The following TSHZ2 variants were observed in gnomAD, a reference collection of about 807,000 sequenced individuals.
TSHZ2 encodes the protein teashirt zinc finger homeobox 2.
A neutral mutation model predicts 74.4 loss-of-function variants in TSHZ2; 21 were observed. That is an observed-to-expected ratio of 0.28 (90% CI 0.20 to 0.41). The LOEUF (loss-of-function observed/expected upper bound fraction) is 0.41. Among genes scored for constraint, TSHZ2 ranks in the 10% least tolerant of loss-of-function variants. The pLI is 1.00. For synonymous variants in TSHZ2, 540 were observed against 515.3 expected, an observed-to-expected ratio of 1.05 and a Z score of -0.65; for missense variants, 1,244 against 1,293.5, an observed-to-expected ratio of 0.96 and a Z score of 0.59.
rs570957059 is a variant in TSHZ2 at position 53,368,293 on chromosome 20, T to TTTTG, written c.*8+111739_*8+111742dup. Among the ~76,000 whole-genome samples the TTTTG allele has an allele frequency of 2.8e-3, 420 of 151,466 alleles. 3 individuals carry two copies. Among genetic ancestry groups the TTTTG allele is most frequent in the Middle Eastern group, 0.01 (3 of 294 alleles). On this transcript the variant is annotated intron_variant, in intron 2 of 2. Coordinates refer to ENST00000371497, the MANE Select transcript of TSHZ2 (RefSeq NM_173485.6). ...CGGGGTTTTGGACTCGATGGTAATTTTTTGTTTGTTTGTTTGTTTGGTTTG... is the reference window on the plus strand; with the variant it reads ...CGGGGTTTTGGACTCGATGGTAATTTTTTGTTTGTTTGTTTGTTTGTTTGGTTTG...
chr20:53,430,113 T>TTC (rs1200879189), intron 2 of TSHZ2, among the ~76,000 whole-genome samples: 1 of 152,172 alleles, frequency 6.6e-6, no homozygotes, highest in Non-Finnish European at 1.5e-5. Flanking sequence ...GGGATAAGGC[T>TTC]TCTTTTTTTG....
intron 2 of TSHZ2, among the ~76,000 whole-genome samples, chr20:53,364,017 A>T (rs1432805832): frequency 6.6e-6 from 1 of 152,258 alleles, no homozygotes; most frequent in African/African-American, 2.4e-5. Flanking sequence ...GGATGGTGTT[A>T]AATAGTAATA....
chr20:53,000,690 A>G (rs187521412), intron 1 of TSHZ2, among the ~76,000 whole-genome samples: 14 of 152,332 alleles, frequency 9.2e-5, no homozygotes, highest in Admixed American at 9.2e-4. Context: ...AGTCAAAATA[A>G]TGGAAACAAT....
chr20:53,313,203 C>T (rs1305441566), intron 2 of TSHZ2, among the ~76,000 whole-genome samples: 1 of 152,192 alleles, frequency 6.6e-6, no homozygotes, highest in Non-Finnish European at 1.5e-5. Context: ...ACAGCAATGC[C>T]TCATTTATTT....
intron 2 of TSHZ2, among the ~76,000 whole-genome samples, chr20:53,358,627 G>A (rs1391477115): frequency 6.6e-6 from 1 of 152,000 alleles, no homozygotes; most frequent in Non-Finnish European, 1.5e-5. Context: ...TTACAGGCGT[G>A]AGCCACTGCA....
At chr20:53,321,626 G>T (rs1979268212) in intron 2 of TSHZ2, among the ~76,000 whole-genome samples, 1 of 133,208 alleles carries the variant, frequency 7.5e-6, no homozygotes, top group Non-Finnish European at 1.5e-5. Context: ...GGAGGTTGTG[G>T]TGAGCAGAGA....
intron 2 of TSHZ2, among the ~76,000 whole-genome samples, chr20:53,366,725 C>G (rs1028873470): frequency 6.6e-6 from 1 of 152,154 alleles, no homozygotes; most frequent in African/African-American, 2.4e-5. Flanking sequence ...ACAAATAGAC[C>G]ACACTCTGTT....
At chr20:53,107,608 T>G (rs1057228672) in intron 1 of TSHZ2, among the ~76,000 whole-genome samples, 8 of 152,112 alleles carry the variant, frequency 5.3e-5, no homozygotes, top group Non-Finnish European at 1.2e-4. Flanking sequence ...GGTCCAGAGG[T>G]CTGAAATATG....
intron 1 of TSHZ2, among the ~76,000 whole-genome samples, chr20:53,046,103 C>CT (rs544517594): frequency 3.9e-5 from 6 of 152,090 alleles, no homozygotes; most frequent in Non-Finnish European, 8.8e-5. Flanking sequence ...CCGATGTGTG[C>CT]TTTAGAGTGG....
At chr20:53,316,715 A>C (rs1318510600) in intron 2 of TSHZ2, among the ~76,000 whole-genome samples, 1 of 152,110 alleles carries the variant, frequency 6.6e-6, no homozygotes, top group Non-Finnish European at 1.5e-5. Context: ...ATTTATGTAG[A>C]GATTTTGGGT....
At chr20:53,057,406 T>C (rs756641631) in intron 1 of TSHZ2, among the ~76,000 whole-genome samples, 5 of 148,312 alleles carry the variant, frequency 3.4e-5, no homozygotes, top group Non-Finnish European at 6.0e-5. Context: ...ACCACTGAAA[T>C]TTCCCAGACG....
chr20:53,196,940 C>G (rs1988885702), intron 1 of TSHZ2, among the ~76,000 whole-genome samples: 1 of 152,238 alleles, frequency 6.6e-6, no homozygotes, highest in Non-Finnish European at 1.5e-5. Flanking sequence ...TGTCCAATTT[C>G]CCCTGGGACT....
At chr20:53,031,014 T>A (rs1318012937) in intron 1 of TSHZ2, among the ~76,000 whole-genome samples, 2 of 152,212 alleles carry the variant, frequency 1.3e-5, no homozygotes, top group Non-Finnish European at 2.9e-5. Flanking sequence ...TTATTTTTTT[T>A]AAAATTTCTT....
intron 2 of TSHZ2, among the ~76,000 whole-genome samples, chr20:53,378,212 C>G (rs1345625716): frequency 6.6e-6 from 1 of 151,440 alleles, no homozygotes; most frequent in African/African-American, 2.4e-5. Flanking sequence ...TAGTGGTATG[C>G]GCCTGTAATC....
intron 2 of TSHZ2, among the ~76,000 whole-genome samples, chr20:53,428,121 G>A (rs1983720207): frequency 6.6e-6 from 1 of 152,208 alleles, no homozygotes; most frequent in Admixed American, 6.5e-5. Context: ...GGAATGAGAA[G>A]TCTCTGTGGG....
chr20:53,027,449 G>A (rs564227540), intron 1 of TSHZ2, among the ~76,000 whole-genome samples: 5 of 152,246 alleles, frequency 3.3e-5, no homozygotes, highest in African/African-American at 1.2e-4. Flanking sequence ...ATTTGTCAAG[G>A]AAAATGATGG....
rs376914515 is a variant in TSHZ2 at position 53,195,312 on chromosome 20, C to CTATT, written c.41-58185_41-58182dup. 2.2e-4 allele frequency among the ~76,000 whole-genome samples: 34 copies of CTATT among 152,210 alleles called. No individual in the cohort carries two copies. The East Asian group carries it at 6.6e-3, about 29-fold the overall frequency. On this transcript the variant is annotated intron_variant, in intron 1 of 2. Transcript: ENST00000371497. ...ACACACACATATATATTCTTGGGAT[C>CTATT]TATTTGTTCAGAGTCTGCATTTGGT...
intron 2 of TSHZ2, among the ~76,000 whole-genome samples, chr20:53,411,132 A>G (rs140406752): frequency 6.6e-6 from 1 of 152,282 alleles, no homozygotes; most frequent in Non-Finnish European, 1.5e-5. Flanking sequence ...ATCTTCTTCT[A>G]TAAGACGGGA....
chr20:53,335,067 T>G (rs772716786), intron 2 of TSHZ2, among the ~76,000 whole-genome samples: 49 of 152,212 alleles, frequency 3.2e-4, no homozygotes, highest in Non-Finnish European at 6.3e-4. Flanking sequence ...TAGGAGGCTG[T>G]TGCAATAACC....
Sources: allele counts gnomAD v4.1 joint callset (sites outside exome capture counted in the v4.1 genomes callset), GRCh38; gene constraint gnomAD v4.1.1; transcripts MANE v1.5; gene names NCBI Gene and HGNC (gene_info 2026-07-23, HGNC 2026-07-21).